The following MYLK4 variants were observed in gnomAD, a reference collection of about 807,000 sequenced individuals.
The protein encoded by MYLK4 is myosin light chain kinase family member 4, also known as caMLCK like.
Under a neutral mutation model 48.1 loss-of-function variants are expected in MYLK4, and 46 were observed. The observed-to-expected ratio is 0.96, with a 90% confidence interval of 0.75 to 1.22. The LOEUF (loss-of-function observed/expected upper bound fraction) is 1.22, where lower values mean the gene tolerates loss of function less well. Among genes scored for constraint, MYLK4 ranks in the 50% most tolerant of loss-of-function variants. The pLI is 0.00. For synonymous variants in MYLK4, 170 were observed against 180.8 expected (o/e 0.94, Z 0.48); for missense variants, 451 against 486.1 (o/e 0.93, Z 0.68).
chr6:2,686,929 C>T (rs767777099), intron 4 of MYLK4, among the ~76,000 whole-genome samples: 8 of 152,186 alleles, frequency 5.3e-5, no homozygotes, highest in Non-Finnish European at 1.0e-4. Context: ...AGCAGTGGTG[C>T]CCATCACTGT....
At chr6:2,727,984 G>A (rs141902613) in intron 2 of MYLK4, among the ~76,000 whole-genome samples, 9 of 151,878 alleles carry the variant, frequency 5.9e-5, no homozygotes, top group Admixed American at 5.2e-4. Flanking sequence ...CATTTACTTA[G>A]GGCTTACAGT....
At chr6:2,765,401 C>A in the MYLK4 span, 90 of 416,910 alleles carry the variant, frequency 2.2e-4, no homozygotes, top group Non-Finnish European at 1.4e-4. Flanking sequence ...CTACACTTCC[C>A]GACACGCCGC....
At chr6:2,733,560 G>C (rs1421645955) in intron 2 of MYLK4, among the ~76,000 whole-genome samples, 5 of 152,188 alleles carry the variant, frequency 3.3e-5, no homozygotes, top group Admixed American at 3.3e-4. Context: ...TCACAAGACT[G>C]AGCTGTAAGA....
At chr6:2,678,516 T>C (rs4959699) in intron 9 of MYLK4, 144 bp from the exon 10 acceptor site, 375,421 of 878,054 alleles carry the variant, frequency 0.43, 87,998 homozygotes, top group East Asian at 0.88. Flanking sequence ...CATATTATTG[T>C]AATCAAGAAA....
intron 2 of MYLK4, among the ~76,000 whole-genome samples, chr6:2,745,794 G>T (rs1764064742): frequency 6.6e-6 from 1 of 151,956 alleles, no homozygotes; most frequent in African/African-American, 2.4e-5. Context: ...ATGGGTGGTG[G>T]TGCATGCCTA....
intron 2 of MYLK4, among the ~76,000 whole-genome samples, chr6:2,712,766 G>A (rs952556182): frequency 1.3e-5 from 2 of 152,188 alleles, no homozygotes; most frequent in African/African-American, 4.8e-5. Flanking sequence ...CTGGACACAA[G>A]CTACTCTCTG....
chr6:2,704,840 T>C (rs766061466), intron 2 of MYLK4, among the ~76,000 whole-genome samples: 1 of 152,246 alleles, frequency 6.6e-6, no homozygotes, highest in Non-Finnish European at 1.5e-5. Context: ...CATTTTACTA[T>C]TAAAGTCCTT....
At chr6:2,756,791 G>A in the MYLK4 span, among the ~76,000 whole-genome samples, 6 of 152,186 alleles carry the variant, frequency 3.9e-5, no homozygotes, top group Non-Finnish European at 7.3e-5. Flanking sequence ...AACAATTGAG[G>A]AAAGTCTAAG....
chr6:2,679,953 T>G (rs925596258), intron 8 of MYLK4, among the ~76,000 whole-genome samples: 1 of 152,220 alleles, frequency 6.6e-6, no homozygotes, highest in Non-Finnish European at 1.5e-5. Context: ...GGGGACAAAC[T>G]CTTGCAAATG....
chr6:2,750,095 T>G (rs542830644), intron 1 of MYLK4, among the ~76,000 whole-genome samples: 1 of 152,288 alleles, frequency 6.6e-6, no homozygotes, highest in South Asian at 2.1e-4. Flanking sequence ...TATGTACACA[T>G]CACTTGATTG....
At chr6:2,737,268 G>A (rs918276176) in intron 2 of MYLK4, among the ~76,000 whole-genome samples, 2 of 152,222 alleles carry the variant, frequency 1.3e-5, no homozygotes, top group African/African-American at 4.8e-5. Context: ...AGCCGAGATC[G>A]TGCCACCGCA....
At chr6:2,671,095 T>G (rs1448255372) in intron 12 of MYLK4, among the ~76,000 whole-genome samples, 181 bp downstream of exon 12, 1 of 152,148 alleles carries the variant, frequency 6.6e-6, no homozygotes, top group Non-Finnish European at 1.5e-5. Context: ...GGCACTGAGC[T>G]TCCTCCAGTA....
rs771277904 is a variant in MYLK4, at chr6:2,715,342, C to T, written c.160-22483G>A. Among the ~76,000 whole-genome samples, 30 of 151,750 alleles carry T rather than the reference C, an allele frequency of 2.0e-4. 1 individual carries two copies. The South Asian group carries it at 2.9e-3, about 15-fold the overall frequency. The stretch of plus-strand genomic sequence containing the variant: ...AGATGGATGGTGCTGACGGGCTGCA[C>T]GACAATGTGAATGTACTTAGCATCA... On this transcript the variant is annotated intron_variant, in intron 2 of 12. Coordinates refer to ENST00000274643, the MANE Select transcript of MYLK4 (RefSeq NM_001012418.5).
chr6:2,719,658 C>T (rs1221457193), intron 2 of MYLK4, among the ~76,000 whole-genome samples: 1 of 151,928 alleles, frequency 6.6e-6, no homozygotes, highest in Non-Finnish European at 1.5e-5. Flanking sequence ...AGCGTAAACC[C>T]TCAACAAATT....
the MYLK4 span, chr6:2,766,373 C>G: frequency 2.5e-6 from 4 of 1,609,230 alleles, no homozygotes; most frequent in South Asian, 1.1e-5. Context: ...CCAGGATACC[C>G]TGCTGCGCTC....
rs371937683 is a variant in MYLK4, at chr6:2,678,365, C to T, written c.895G>A (p.Gly299Ser). 7.1e-5 allele frequency: 114 copies of T among 1,613,872 alleles called. No homozygotes were observed. The African/African-American group carries it at 1.3e-3, about 18-fold the overall frequency. The change falls in exon 10 of 13, where the codon GGT becomes AGT. Residue 299 changes from glycine (G) to serine (S), a missense_variant. Transcript: ENST00000274643. ...VGVIAYMLLS[G>S]LSPFLGDNDA... The stretch of plus-strand genomic sequence containing the variant: ...TTGTCACCCAGGAAAGGCGACAAAC[C>T]GCTAAGTCTGGAGGACACGGGGTCC...
At chr6:2,724,983 T>A (rs1282847412) in intron 2 of MYLK4, among the ~76,000 whole-genome samples, 1 of 152,162 alleles carries the variant, frequency 6.6e-6, no homozygotes, top group Non-Finnish European at 1.5e-5. Context: ...AAACTCCGTC[T>A]CTACTAAAAA....
intron 2 of MYLK4, among the ~76,000 whole-genome samples, chr6:2,701,722 C>T (rs946975144): frequency 6.6e-6 from 1 of 152,164 alleles, no homozygotes; most frequent in Non-Finnish European, 1.5e-5. Context: ...CTGGTGAATC[C>T]GCAGCAGCAG....
At chr6:2,671,820 T>C (rs563564316) in intron 11 of MYLK4, among the ~76,000 whole-genome samples, 27 of 152,238 alleles carry the variant, frequency 1.8e-4, no homozygotes, top group Admixed American at 5.9e-4. Context: ...AGTTTGAGGA[T>C]TGGAAAAGCT....
Sources: gnomAD v4.1 joint callset for allele counts (sites outside exome capture counted in the v4.1 genomes callset) on GRCh38, gnomAD v4.1.1 for gene constraint, MANE v1.5 for transcripts, NCBI Gene and HGNC (gene_info 2026-07-23, HGNC 2026-07-21) for gene names.